The following MBOAT1 variants were observed in gnomAD, a reference collection of about 807,000 sequenced individuals.
The protein encoded by MBOAT1 is membrane bound glycerophospholipid O-acyltransferase 1.
In MBOAT1, 67 loss-of-function variants were observed where a neutral mutation model predicts 64.4. That is an observed-to-expected ratio of 1.04 (90% CI 0.85 to 1.27). MBOAT1 has a LOEUF of 1.27. Ranked by LOEUF, MBOAT1 falls within the 50% of genes most tolerant of loss-of-function variation. The probability of loss-of-function intolerance (pLI) is 0.00; values close to 1 mark genes in which losing one functional copy is unlikely to be tolerated. For synonymous variants in MBOAT1, 229 were observed against 218.9 expected (o/e 1.05, Z -0.41); for missense variants, 563 against 604.6 (o/e 0.93, Z 0.72).
intron 12 of MBOAT1, among the ~76,000 whole-genome samples, chr6:20,108,821 G>A (rs753263525): frequency 1.3e-5 from 2 of 152,188 alleles, no homozygotes; most frequent in South Asian, 2.1e-4. Flanking sequence ...ACTAAAGACG[G>A]TGCTCTGAGG....
intron 1 of MBOAT1, among the ~76,000 whole-genome samples, chr6:20,207,861 G>T (rs190246035): frequency 1.5e-3 from 236 of 152,326 alleles, no homozygotes; most frequent in Non-Finnish European, 2.6e-3. Context: ...GCCTACGCAG[G>T]TCTGTGAGCA....
At chr6:20,123,842 G>C (rs528642563) in intron 8 of MBOAT1, among the ~76,000 whole-genome samples, 15 of 152,260 alleles carry the variant, frequency 9.9e-5, no homozygotes, top group African/African-American at 3.6e-4. Context: ...AGATCACGAC[G>C]TCAGGAGATC....
intron 1 of MBOAT1, among the ~76,000 whole-genome samples, chr6:20,169,033 A>G (rs1026140135): frequency 5.9e-5 from 9 of 152,300 alleles, no homozygotes; most frequent in Admixed American, 2.6e-4. Flanking sequence ...AACAACAACA[A>G]AAACTGTCTT....
At chr6:20,144,402 TC>T (rs751656875) in intron 3 of MBOAT1, 87 bp from the exon 4 acceptor site, 130 of 928,894 alleles carry the variant, frequency 1.4e-4, no homozygotes, top group Middle Eastern at 8.8e-4. Flanking sequence ...CTTTCATCCT[TC>T]ACGTGCAGTT....
At chr6:20,175,844 T>A (rs1273552249) in intron 1 of MBOAT1, among the ~76,000 whole-genome samples, 2 of 152,112 alleles carry the variant, frequency 1.3e-5, no homozygotes, top group African/African-American at 4.8e-5. Context: ...GCTCAAGTGA[T>A]CCTCCCACCT....
At position 20,126,629 on chromosome 6, in the gene MBOAT1, T is replaced by C. The variant is rs754174224; in HGVS notation, c.602A>G (p.Asn201Ser). The C allele has an allele frequency of 6.2e-7, 1 of 1,613,904 alleles. No homozygotes were observed. The change falls in exon 7 of 13, where the codon AAC becomes AGC. Residue 201 changes from asparagine (N) to serine (S), a missense_variant. Asn to Ser is a conservative substitution (Grantham distance 46). Transcript: ENST00000324607. ...GAAGGCTATGTAGTCCTTGAAATTG[T>C]TACAAGGACCAGCTATGACACTCAT... Reference protein sequence around the residue: ...NFMSVIAGPCNNFKDYIAFIE... With the variant: ...NFMSVIAGPCSNFKDYIAFIE...
At chr6:20,116,893 C>T (rs1246736233) in intron 9 of MBOAT1, among the ~76,000 whole-genome samples, 3 of 152,188 alleles carry the variant, frequency 2.0e-5, no homozygotes, top group East Asian at 1.9e-4. Flanking sequence ...GGACGTTTAC[C>T]CAACAAAACT....
At chr6:20,203,524 C>T (rs1763178622) in intron 1 of MBOAT1, among the ~76,000 whole-genome samples, 1 of 152,216 alleles carries the variant, frequency 6.6e-6, no homozygotes, top group Non-Finnish European at 1.5e-5. Flanking sequence ...GTAAAAAGAA[C>T]TGGCTCCCAA....
At chr6:20,190,090 G>T (rs965454681) in intron 1 of MBOAT1, among the ~76,000 whole-genome samples, 11 of 152,134 alleles carry the variant, frequency 7.2e-5, no homozygotes, top group Middle Eastern at 3.4e-3. Context: ...CGCCTCCTGG[G>T]TTCAAGCAAT....
At chr6:20,184,841 A>G (rs917373230) in intron 1 of MBOAT1, among the ~76,000 whole-genome samples, 1 of 147,388 alleles carries the variant, frequency 6.8e-6, no homozygotes, top group South Asian at 2.1e-4. Context: ...CCTCTGTACC[A>G]CCTCTATACT....
At chr6:20,133,886 G>C (rs995563985) in intron 4 of MBOAT1, among the ~76,000 whole-genome samples, 1 of 152,088 alleles carries the variant, frequency 6.6e-6, no homozygotes, top group South Asian at 2.1e-4. Context: ...CCATTGCTGC[G>C]ATTTTACCCA....
At chr6:20,168,565 AAG>A (rs1024068318) in intron 1 of MBOAT1, among the ~76,000 whole-genome samples, 13 of 107,942 alleles carry the variant, frequency 1.2e-4, no homozygotes, top group Non-Finnish European at 1.6e-4. Flanking sequence ...GAGAAAGAGA[AAG>A]AGAGAGAGAG....
chr6:20,124,714 C>T lies in MBOAT1; in HGVS notation c.715-114G>A, dbSNP rs186072705. ...GCTCCAACAGCTGCTTGGCATTATT[C>T]CCCAGAAGGAGTGACAACAGGCATT... On this transcript the variant is annotated intron_variant, in intron 7 of 12. Transcript: ENST00000324607. The T allele has an allele frequency of 2.3e-5, 20 of 887,384 alleles. No individual in the cohort carries two copies. In the Middle Eastern group the frequency reaches 1.1e-3, roughly 47 times the overall value. The allele number at this position is 887,384 out of a possible 1,614,324, so 55.0% of individuals were successfully genotyped here.
intron 12 of MBOAT1, among the ~76,000 whole-genome samples, chr6:20,104,744 TG>T (rs1759901838): frequency 6.6e-6 from 1 of 152,248 alleles, no homozygotes; most frequent in African/African-American, 2.4e-5. Context: ...AACTCACATA[TG>T]CCCCTAAACT....
chr6:20,123,149 T>A (rs924863247), intron 8 of MBOAT1, among the ~76,000 whole-genome samples: 44 of 150,610 alleles, frequency 2.9e-4, no homozygotes, highest in African/African-American at 1.0e-3. Context: ...ATAATTTTTT[T>A]TAAAAAAAAA....
At chr6:20,120,413 A>G (rs1333643333) in intron 8 of MBOAT1, among the ~76,000 whole-genome samples, 2 of 152,146 alleles carry the variant, frequency 1.3e-5, no homozygotes, top group Non-Finnish European at 2.9e-5. Context: ...AACCATTAAG[A>G]TCATGTAACC....
chr6:20,184,481 T>A (rs192599688), intron 1 of MBOAT1, among the ~76,000 whole-genome samples: 7 of 152,160 alleles, frequency 4.6e-5, no homozygotes, highest in Admixed American at 3.9e-4. Context: ...TGGGAGTGGA[T>A]CCTAGTCACT....
At position 20,206,426 on chromosome 6, in the gene MBOAT1, G is replaced by A. The variant is rs141745403; in HGVS notation, c.99+5710C>T. On this transcript the variant is annotated intron_variant, in intron 1 of 12. Transcript: ENST00000324607. The stretch of plus-strand genomic sequence containing the variant: ...TGACCTCAGGTGATCTGGCCGCCTC[G>A]GCCTCCCAAAGTGCTGGGATTACAG... Among the ~76,000 whole-genome samples, 1,507 of 152,232 alleles carry A rather than the reference G, an allele frequency of 9.9e-3. 8 individuals are homozygous for A. Among genetic ancestry groups the A allele is most frequent in the Non-Finnish European group, 0.015 (1,020 of 68,008 alleles).
At chr6:20,153,687 C>T (rs1182715602) in intron 1 of MBOAT1, among the ~76,000 whole-genome samples, 2 of 152,198 alleles carry the variant, frequency 1.3e-5, no homozygotes, top group Non-Finnish European at 2.9e-5. Flanking sequence ...AATAGTGACA[C>T]AGCCCTGCAT....
Sources: allele counts gnomAD v4.1 joint callset (sites outside exome capture counted in the v4.1 genomes callset), GRCh38; gene constraint gnomAD v4.1.1; transcripts MANE v1.5; gene names NCBI Gene and HGNC (gene_info 2026-07-23, HGNC 2026-07-21).